KCNG2: variants seen among roughly 807,000 people sequenced by gnomAD.
KCNG2 encodes the protein voltage-gated potassium channel regulatory subunit KCNG2.
A neutral mutation model predicts 12.3 loss-of-function variants in KCNG2; 7 were observed. That is an observed-to-expected ratio of 0.57 (90% confidence interval 0.32 to 1.07). KCNG2 has a LOEUF of 1.07. KCNG2 is among the 50% of genes least tolerant of loss of function. The pLI is 0.04. For synonymous variants in KCNG2, 414 were observed against 351.4 expected (o/e 1.18, Z -1.99); for missense variants, 703 against 726.0 (o/e 0.97, Z 0.36).
In KCNG2 at chr18:79,803,064, G is replaced by A. The variant is rs532263976; in HGVS notation, c.-115+5050G>A. Among the ~76,000 whole-genome samples, 1 of 152,296 alleles carries A rather than the reference G, an allele frequency of 6.6e-6. No individual in the cohort carries two copies. Among genetic ancestry groups the A allele is most frequent in the African/African-American group, 2.4e-5 (1 of 41,588 alleles). On this transcript the variant is annotated intron_variant, in intron 1 of 3. Coordinates refer to ENST00000316249, the MANE Select transcript of KCNG2 (RefSeq NM_012283.2). This position sits in a 1 kb window ranked among gnomAD's most constrained non-coding sequence, Gnocchi z 4.5. ...ATGGTGGCAGGCACCTGTAATTCCA[G>A]CTGCTTGGGAGGCTGAGGCAGGAGA...
intron 3 of KCNG2, among the ~76,000 whole-genome samples, chr18:79,898,252 G>T (rs994722381): frequency 2.0e-5 from 3 of 152,204 alleles, no homozygotes; most frequent in Non-Finnish European, 2.9e-5. Context: ...GGATTTGGGG[G>T]ATGGGGACAG....
At chr18:79,831,769 G>A (rs531192996) in intron 1 of KCNG2, among the ~76,000 whole-genome samples, 85 of 152,124 alleles carry the variant, frequency 5.6e-4, no homozygotes, top group African/African-American at 2.0e-3. Flanking sequence ...TGTCAGGAGC[G>A]TTCCCTTCAT....
rs746142765 is a variant in KCNG2 at position 79,814,593 on chromosome 18, G to C, written c.-115+16579G>C. 5.3e-5 allele frequency among the ~76,000 whole-genome samples: 8 copies of C among 152,220 alleles called. 1 individual carries two copies. Among genetic ancestry groups the C allele is most frequent in the Non-Finnish European group, 2.9e-5 (2 of 68,040 alleles). Reference sequence around the variant, plus strand: ...TGCCAGGGTTTTACAGAGCTGGGAGGGGGTGGCAGGAGTGACACTGCCTGC... The same window carrying C: ...TGCCAGGGTTTTACAGAGCTGGGAGCGGGTGGCAGGAGTGACACTGCCTGC... On this transcript the variant is annotated intron_variant, in intron 1 of 3. Coordinates refer to ENST00000316249, the MANE Select transcript of KCNG2 (RefSeq NM_012283.2).
At chr18:79,889,878 A>G (rs1245943249) in intron 3 of KCNG2, among the ~76,000 whole-genome samples, 1 of 152,180 alleles carries the variant, frequency 6.6e-6, no homozygotes, top group Non-Finnish European at 1.5e-5. Flanking sequence ...GTTTCTATAG[A>G]TGCCCTTTTT....
intron 3 of KCNG2, among the ~76,000 whole-genome samples, chr18:79,872,114 A>C (rs932916858): frequency 6.6e-6 from 1 of 151,980 alleles, no homozygotes; most frequent in Non-Finnish European, 1.5e-5. Flanking sequence ...CAGGGCCTGG[A>C]AACTCCATGG....
At chr18:79,841,040 G>A (rs143370502) in intron 1 of KCNG2, among the ~76,000 whole-genome samples, 349 of 152,270 alleles carry the variant, frequency 2.3e-3, no homozygotes, top group African/African-American at 7.8e-3. Flanking sequence ...AGGTTGAGGC[G>A]GGTAGGATTA....
intron 1 of KCNG2, among the ~76,000 whole-genome samples, chr18:79,836,583 T>G (rs990564446): frequency 4.6e-5 from 7 of 152,132 alleles, no homozygotes; most frequent in Non-Finnish European, 7.4e-5. Flanking sequence ...GGGTAATTTA[T>G]GAAGAAAAAA....
At chr18:79,823,635 C>T (rs868676698) in intron 1 of KCNG2, among the ~76,000 whole-genome samples, 2 of 152,092 alleles carry the variant, frequency 1.3e-5, no homozygotes, top group African/African-American at 2.4e-5. Context: ...CCCCATTTCT[C>T]GATGGGGTTT....
chr18:79,867,287 C>T (rs1463887213), intron 3 of KCNG2, among the ~76,000 whole-genome samples: 27 of 151,952 alleles, frequency 1.8e-4, no homozygotes, highest in Admixed American at 1.8e-3. Context: ...GTCCCACTAA[C>T]CTGACAAGGC....
At chr18:79,872,716 A>G (rs552993465) in intron 3 of KCNG2, among the ~76,000 whole-genome samples, 1 of 152,356 alleles carries the variant, frequency 6.6e-6, no homozygotes, top group South Asian at 2.1e-4. Context: ...TGGCTCTGAC[A>G]GCGGCAGGGC....
intron 3 of KCNG2, among the ~76,000 whole-genome samples, chr18:79,887,167 AGGACACAGGGAG>A (rs1258424195): frequency 7.1e-6 from 1 of 140,974 alleles, no homozygotes; most frequent in Non-Finnish European, 1.5e-5. Context: ...CAGAGGGACA[AGGACACAGGGAG>A]GGACACAGGA....
intron 1 of KCNG2, among the ~76,000 whole-genome samples, chr18:79,814,590 G>A (rs978063452): frequency 2.6e-5 from 4 of 152,216 alleles, no homozygotes; most frequent in Non-Finnish European, 5.9e-5. Context: ...ACAGAGCTGG[G>A]AGGGGGTGGC....
At chr18:79,829,100 G>A (rs376835156) in intron 1 of KCNG2, among the ~76,000 whole-genome samples, 12 of 109,178 alleles carry the variant, frequency 1.1e-4, no homozygotes, top group African/African-American at 1.8e-4. Context: ...CTATGTGTGC[G>A]TGTGTGTAAC....
intron 3 of KCNG2, among the ~76,000 whole-genome samples, chr18:79,889,789 G>C (rs767386856): frequency 2.0e-5 from 3 of 152,218 alleles, no homozygotes; most frequent in Non-Finnish European, 4.4e-5. Context: ...TGGAAGTGAC[G>C]AGAACAGACG....
At chr18:79,892,982 G>A (rs1386906471) in intron 3 of KCNG2, among the ~76,000 whole-genome samples, 1 of 150,560 alleles carries the variant, frequency 6.6e-6, no homozygotes, top group Non-Finnish European at 1.5e-5. Flanking sequence ...AGTTGGGTCT[G>A]TGTCTGCTTT....
At chr18:79,813,205 A>G (rs1224575895) in intron 1 of KCNG2, among the ~76,000 whole-genome samples, 2 of 152,182 alleles carry the variant, frequency 1.3e-5, no homozygotes, top group Non-Finnish European at 2.9e-5. Flanking sequence ...GCTATAGACC[A>G]GTATCTTTCA....
At position 79,864,178 on chromosome 18, in the gene KCNG2, C is replaced by T. The variant is rs924879352; in HGVS notation, c.511C>T (p.His171Tyr). ...CCTGCGCGACGTGGTGGACAACCCG[C>T]ACTCGGGGCTGGCGGGCAAGCTCTT... ...RRLRDVVDNPHSGLAGKLFAC... is the reference protein window; with the variant it reads ...RRLRDVVDNPYSGLAGKLFAC... The change falls in exon 3 of 4, where the codon CAC (histidine) becomes TAC (tyrosine). Residue 171 changes from histidine to tyrosine, a missense_variant. By Grantham distance (83) the His-to-Tyr change is moderately conservative (BLOSUM62 2). Coordinates refer to ENST00000316249, the MANE Select transcript of KCNG2 (RefSeq NM_012283.2). The T allele has an allele frequency of 1.3e-6, 2 of 1,517,658 alleles. No individual in the cohort carries two copies. The highest frequency in any genetic ancestry group is 8.8e-7 in the Non-Finnish European group (1 of 1,136,998). 94.0% of individuals were successfully genotyped at this position (1,517,658 alleles called of 1,614,324 possible).
At position 79,882,777 on chromosome 18, in the gene KCNG2, A is replaced by AGCGCGAAGGCCGGGTACG. The variant is rs1568269726; in HGVS notation, c.625-16263_625-16262insGCGCGAAGGCCGGGTACG. The stretch of plus-strand genomic sequence containing the variant: ...GCCGTGGAGCGCGGAGGCCGGGTAC[A>AGCGCGAAGGCCGGGTACG]CCTGCGCGTGGAGCGCGGAGGCCGG... On this transcript the variant is annotated intron_variant, in intron 3 of 3. Coordinates refer to ENST00000316249, the MANE Select transcript of KCNG2 (RefSeq NM_012283.2). 7.7e-3 allele frequency among the ~76,000 whole-genome samples: 996 copies of AGCGCGAAGGCCGGGTACG among 129,420 alleles called. 32 individuals carry two copies. The highest frequency in any genetic ancestry group is 0.012 in the Non-Finnish European group (624 of 54,150). 84.9% of individuals were successfully genotyped at this position (129,420 alleles called of 152,430 possible).
intron 1 of KCNG2, among the ~76,000 whole-genome samples, chr18:79,802,773 C>A (rs1434311379): frequency 6.6e-6 from 1 of 151,702 alleles, no homozygotes; most frequent in Non-Finnish European, 1.5e-5. Flanking sequence ...TCTTTGTGTG[C>A]AGATTAACAG....
Sources: gnomAD v4.1 joint callset for allele counts (sites outside exome capture counted in the v4.1 genomes callset) on GRCh38, gnomAD v4.1.1 for gene constraint, Gnocchi (gnomAD v3.1) non-coding constraint, MANE v1.5 for transcripts, NCBI Gene and HGNC (gene_info 2026-07-23, HGNC 2026-07-21) for gene names.